The following KCNQ1OT1 variants were observed in gnomAD, a reference collection of about 807,000 sequenced individuals.
KCNQ1OT1 encodes the protein KCNQ1 opposite strand/antisense transcript 1, also known as KCNQ1 antisense RNA 2 (non-protein coding).
Position 2,663,883 on chromosome 11 carries a change from C to A in KCNQ1OT1, n.36112G>T, listed in dbSNP as rs1158694304. 4.3e-5 allele frequency: 17 copies of A among 398,588 alleles called. No homozygotes were observed. The East Asian group carries it at 6.1e-4, about 14-fold the overall frequency. 24.7% of individuals were successfully genotyped at this position (398,588 alleles called of 1,614,324 possible). ...AGGTTACCCACCTGCCCAAGGGTGA[C>A]CCCAAGCCAGTGTGGCTGTGTCATC... is the stretch of plus-strand genomic sequence containing the variant. On this transcript the variant is annotated non_coding_transcript_exon_variant, in exon 1 of 1. Coordinates refer to ENST00000597346, the Ensembl canonical transcript of KCNQ1OT1. This position sits in a 1 kb window ranked among gnomAD's most constrained non-coding sequence, Gnocchi z 5.2.
At chr11:2,686,086 GT>G in exon 1 of KCNQ1OT1, 1 of 398,878 alleles carries the variant, frequency 2.5e-6, no homozygotes. Flanking sequence ...CCAGCATTGA[GT>G]AGGCCTGAGT....
Position 2,624,851 on chromosome 11 carries a change from T to G in KCNQ1OT1, n.75144A>C, listed in dbSNP as rs73415381. On this transcript the variant is annotated non_coding_transcript_exon_variant, in exon 1 of 1. Coordinates refer to ENST00000597346, the Ensembl canonical transcript of KCNQ1OT1. This position sits in a 1 kb window ranked among gnomAD's most constrained non-coding sequence, Gnocchi z 4.9. ...GAAACATACAGTACTTCTCTTCTTG[T>G]GACTGCTGTATTTCATTTAACATAA... 9,005 of 398,528 alleles carry G rather than the reference T, an allele frequency of 0.023. 576 individuals carry two copies. Among genetic ancestry groups the G allele is most frequent in the African/African-American group, 0.16 (7,604 of 48,694 alleles). 24.7% of individuals were successfully genotyped at this position (398,528 alleles called of 1,614,324 possible).
chr11:2,611,569 T>A lies in KCNQ1OT1; in HGVS notation n.88426A>T, dbSNP rs986099622. 5.0e-5 allele frequency: 20 copies of A among 398,630 alleles called. No individual in the cohort carries two copies. Among genetic ancestry groups the A allele is most frequent in the African/African-American group, 3.7e-4 (18 of 48,758 alleles). The allele number at this position is 398,630 out of a possible 1,614,324, so 24.7% of individuals were successfully genotyped here. ...CTTTCTTATTACTGTTTGCATGTCA[T>A]CTTTTTCCATCATTTTACTTTCAAC... On this transcript the variant is annotated non_coding_transcript_exon_variant, in exon 1 of 1. Transcript: ENST00000597346. This position sits in a 1 kb window ranked among gnomAD's most constrained non-coding sequence, Gnocchi z 5.3.
chr11:2,609,440 A>G (rs1394537820), exon 1 of KCNQ1OT1: 6 of 398,336 alleles, frequency 1.5e-5, no homozygotes, highest in Non-Finnish European at 2.7e-5. Context: ...GTGACTTAGC[A>G]TATGGTCCTT....
In KCNQ1OT1 at chr11:2,664,641, C is replaced by T; in HGVS notation, n.35354G>A. ...GTGATGCCCATAATTAAATTCGGCTCCAGCTGCTCAGGGATGCAGCGAAGC... is the reference window on the plus strand; with the variant it reads ...GTGATGCCCATAATTAAATTCGGCTTCAGCTGCTCAGGGATGCAGCGAAGC... On this transcript the variant is annotated non_coding_transcript_exon_variant, in exon 1 of 1. Transcript: ENST00000597346. This position sits in a 1 kb window ranked among gnomAD's most constrained non-coding sequence, Gnocchi z 5.1. 1 of 398,756 alleles carries T rather than the reference C, an allele frequency of 2.5e-6. No individual in the cohort carries two copies. The highest frequency in any genetic ancestry group is 4.4e-6 in the Non-Finnish European group (1 of 226,176). The allele number at this position is 398,756 out of a possible 1,614,324, so 24.7% of individuals were successfully genotyped here. A position where few individuals can be genotyped will look rare whatever the true frequency, so the allele number is the denominator to read the frequency against.
Position 2,691,590 on chromosome 11 carries a change from A to C in KCNQ1OT1, n.8405T>G. On this transcript the variant is annotated non_coding_transcript_exon_variant, in exon 1 of 1. Transcript: ENST00000597346. The surrounding 1 kb of genome is among the most constrained non-coding windows in gnomAD (Gnocchi z 6.4). Reference sequence around the variant, plus strand: ...CCTCAGCAAGGACGAGGCCTCCCTGAGGGAGTCAACCTAGCTTGTTCCCTG... The same window carrying C: ...CCTCAGCAAGGACGAGGCCTCCCTGCGGGAGTCAACCTAGCTTGTTCCCTG... The C allele has an allele frequency of 2.5e-6, 1 of 398,564 alleles. No individual in the cohort carries two copies. The allele number at this position is 398,564 out of a possible 1,614,324, so 24.7% of individuals were successfully genotyped here.
chr11:2,685,548 A>C (rs575450617), exon 1 of KCNQ1OT1: 2 of 398,744 alleles, frequency 5.0e-6, no homozygotes, highest in East Asian at 7.1e-5. Flanking sequence ...GAGGATCTGC[A>C]GATGACTACA....
Position 2,663,722 on chromosome 11 carries a change from C to A in KCNQ1OT1, n.36273G>T. ...ACCAACTCTTGGGTCTTGCAAGGCC[C>A]CTGCAGGTGAAGGTGGTGAGAGACC... On this transcript the variant is annotated non_coding_transcript_exon_variant, in exon 1 of 1. Coordinates refer to ENST00000597346, the Ensembl canonical transcript of KCNQ1OT1. This position sits in a 1 kb window ranked among gnomAD's most constrained non-coding sequence, Gnocchi z 5.2. 1 of 398,698 alleles carries A rather than the reference C, an allele frequency of 2.5e-6. No individual in the cohort carries two copies. Among genetic ancestry groups the A allele is most frequent in the Non-Finnish European group, 4.4e-6 (1 of 226,112 alleles). 24.7% of individuals were successfully genotyped at this position (398,698 alleles called of 1,614,324 possible). A position where few individuals can be genotyped will look rare whatever the true frequency, so the allele number is the denominator to read the frequency against.
In KCNQ1OT1 at chr11:2,692,504, T is replaced by C. The variant is rs996749227; in HGVS notation, n.7491A>G. The C allele has an allele frequency of 3.8e-5, 15 of 398,620 alleles. No individual in the cohort carries two copies. The Admixed American group carries it at 6.6e-4, about 18-fold the overall frequency. The allele number at this position is 398,620 out of a possible 1,614,324, so 24.7% of individuals were successfully genotyped here. A position where few individuals can be genotyped will look rare whatever the true frequency, so the allele number is the denominator to read the frequency against. On this transcript the variant is annotated non_coding_transcript_exon_variant, in exon 1 of 1. Coordinates refer to ENST00000597346, the Ensembl canonical transcript of KCNQ1OT1. Reference sequence around the variant, plus strand: ...AGTTCAGATGCTTGGCTTCTTTCCATCCCAGGTGCTCACAGGCTCCCTACC... The same window carrying C: ...AGTTCAGATGCTTGGCTTCTTTCCACCCCAGGTGCTCACAGGCTCCCTACC...
exon 1 of KCNQ1OT1, chr11:2,681,736 T>G (rs1334470583): frequency 7.6e-6 from 3 of 396,888 alleles, no homozygotes; most frequent in South Asian, 2.6e-4. Flanking sequence ...TTGTGGGCAC[T>G]GATCACACAC....
At position 2,695,206 on chromosome 11, in the gene KCNQ1OT1, T is replaced by C. The variant is rs1033918407; in HGVS notation, n.4789A>G. 2.5e-6 allele frequency: 1 copy of C among 398,662 alleles called. No homozygotes were observed. The highest frequency in any genetic ancestry group is 4.4e-6 in the Non-Finnish European group (1 of 226,098). The allele number at this position is 398,662 out of a possible 1,614,324, so 24.7% of individuals were successfully genotyped here. ...CTCAGCCTATGAAACACTGTCACCCTGTAAGGGTCTGCATAAAGTCACCGC... is the reference window on the plus strand; with the variant it reads ...CTCAGCCTATGAAACACTGTCACCCCGTAAGGGTCTGCATAAAGTCACCGC... On this transcript the variant is annotated non_coding_transcript_exon_variant, in exon 1 of 1. Coordinates refer to ENST00000597346, the Ensembl canonical transcript of KCNQ1OT1. The surrounding 1 kb of genome is among the most constrained non-coding windows in gnomAD (Gnocchi z 5.2).
exon 1 of KCNQ1OT1, chr11:2,667,434 A>C (rs1416017509): frequency 7.5e-6 from 3 of 398,602 alleles, no homozygotes; most frequent in South Asian, 1.3e-4. Context: ...CCCAGCCATG[A>C]TGCTGCTCAG....
exon 1 of KCNQ1OT1, chr11:2,640,681 T>C (rs928744204): frequency 2.5e-6 from 1 of 398,420 alleles, no homozygotes; most frequent in Non-Finnish European, 4.4e-6. Flanking sequence ...ATCATCTCTA[T>C]AGTTAGGAAC....
At chr11:2,684,439 A>G (rs1850450097) in exon 1 of KCNQ1OT1, 1 of 398,630 alleles carries the variant, frequency 2.5e-6, no homozygotes, top group South Asian at 1.3e-4. Context: ...TTCATTTGAA[A>G]ACGTGTTCTT....
In KCNQ1OT1 at chr11:2,608,441, G is replaced by C; in HGVS notation, n.91554C>G. ...TTCCTTCATAATCCTTTTTATTTCT[G>C]TCAGGTTGGTAGTATACTTCCCTCA... On this transcript the variant is annotated non_coding_transcript_exon_variant, in exon 1 of 1. Coordinates refer to ENST00000597346, the Ensembl canonical transcript of KCNQ1OT1. This position sits in a 1 kb window ranked among gnomAD's most constrained non-coding sequence, Gnocchi z 4.6. 2.5e-6 allele frequency: 1 copy of C among 398,288 alleles called. No homozygotes were observed. Among genetic ancestry groups the C allele is most frequent in the Non-Finnish European group, 4.4e-6 (1 of 225,992 alleles). The allele number at this position is 398,288 out of a possible 1,614,324, so 24.7% of individuals were successfully genotyped here.
At chr11:2,643,206 G>A in exon 1 of KCNQ1OT1, 1 of 398,278 alleles carries the variant, frequency 2.5e-6, no homozygotes, top group Non-Finnish European at 4.4e-6. Context: ...TAAATCCAAT[G>A]TTTCTTTGTT....
At chr11:2,632,132 GA>G (rs1217780949) in exon 1 of KCNQ1OT1, 1 of 385,184 alleles carries the variant, frequency 2.6e-6, no homozygotes, top group East Asian at 3.6e-5. Flanking sequence ...GCAGTGAGCC[GA>G]GATCGCGCCA....
At chr11:2,665,228 T>TG (rs1850044668) in exon 1 of KCNQ1OT1, 1 of 398,466 alleles carries the variant, frequency 2.5e-6, no homozygotes, top group Non-Finnish European at 4.4e-6. Flanking sequence ...CTAGGTTGAA[T>TG]GGGGCACAAG....
At position 2,673,168 on chromosome 11, in the gene KCNQ1OT1, G is replaced by C. The variant is rs1348144233; in HGVS notation, n.26827C>G. The C allele has an allele frequency of 2.5e-6, 1 of 398,630 alleles. No homozygotes were observed. Among genetic ancestry groups the C allele is most frequent in the African/African-American group, 2.1e-5 (1 of 48,628 alleles). The allele number at this position is 398,630 out of a possible 1,614,324, so 24.7% of individuals were successfully genotyped here. A position where few individuals can be genotyped will look rare whatever the true frequency, so the allele number is the denominator to read the frequency against. On this transcript the variant is annotated non_coding_transcript_exon_variant, in exon 1 of 1. Coordinates refer to ENST00000597346, the Ensembl canonical transcript of KCNQ1OT1. This position sits in a 1 kb window ranked among gnomAD's most constrained non-coding sequence, Gnocchi z 4.5. Reference sequence around the variant, plus strand: ...ATCCCTGACCCAAGCACGAGGATCAGAATGGGCCCTGGAGCCAAGGCCAAA... The same window carrying C: ...ATCCCTGACCCAAGCACGAGGATCACAATGGGCCCTGGAGCCAAGGCCAAA...
Sources: allele counts gnomAD v4.1 joint callset, GRCh38; gene constraint gnomAD v4.1.1; non-coding constraint Gnocchi (gnomAD v3.1); transcripts MANE v1.5; gene names NCBI Gene and HGNC (gene_info 2026-07-23, HGNC 2026-07-21).